Variants in COL5A1 observed in about 807,000 individuals in gnomAD.
The protein encoded by COL5A1 is collagen alpha-1(V) chain.
Under a neutral mutation model 263.7 loss-of-function variants are expected in COL5A1, and 16 were observed. The ratio of observed to expected loss-of-function variants is 0.06; its 90% CI spans 0.04 to 0.09. The LOEUF (loss-of-function observed/expected upper bound fraction) is 0.09, where lower values mean the gene tolerates loss of function less well. COL5A1 is among the 10% of genes least tolerant of loss of function. The pLI, the probability that COL5A1 is intolerant of heterozygous loss-of-function variation, is 1.00. For missense variants in COL5A1, 2,036 were observed against 2,540.5 expected (o/e 0.80, Z 4.27); for synonymous variants, 1,012 against 1,004.5 (o/e 1.01, Z -0.14).
chr9:134,805,818 GC>G (rs760141781), intron 41 of COL5A1, among the ~76,000 whole-genome samples: 28 of 150,438 alleles, frequency 1.9e-4, no homozygotes, highest in Middle Eastern at 3.4e-3. Flanking sequence ...GAGAGGGGGT[GC>G]CCCGTGGGCT....
At chr9:134,763,564 A>C in intron 19 of COL5A1, 129 bp from the exon 20 acceptor site, 2 of 921,204 alleles carry the variant, frequency 2.2e-6, no homozygotes, top group Admixed American at 1.7e-5. Context: ...TCCGGCTGGT[A>C]CCAGAGCTGG....
chr9:134,700,227 G>C lies in COL5A1; in HGVS notation c.491+105G>C. 1 of 1,081,622 alleles carries C rather than the reference G, an allele frequency of 9.2e-7. No homozygotes were observed. Among genetic ancestry groups the C allele is most frequent in the Non-Finnish European group, 1.4e-6 (1 of 740,006 alleles). 67.0% of individuals were successfully genotyped at this position (1,081,622 alleles called of 1,614,324 possible). A position where few individuals can be genotyped will look rare whatever the true frequency, so the allele number is the denominator to read the frequency against. ...CACAGTAGAGGACGTGCAGCAGCCG[G>C]TACTGAGACTCCCACAGACGCCGCA... On this transcript the variant is annotated intron_variant, in intron 3 of 65. Transcript: ENST00000371817. The surrounding 1 kb of genome is among the most constrained non-coding windows in gnomAD (Gnocchi z 4.0).
In COL5A1 at chr9:134,843,036, C is replaced by T. The variant is rs3196378; in HGVS notation, c.*733C>T. 52 of 151,702 alleles carry T rather than the reference C, an allele frequency of 3.4e-4. No homozygotes were observed. The highest frequency in any genetic ancestry group is 4.9e-4 in the African/African-American group (20 of 41,096). The allele number at this position is 151,702 out of a possible 1,614,324, so 9.4% of individuals were successfully genotyped here. A position where few individuals can be genotyped will look rare whatever the true frequency, so the allele number is the denominator to read the frequency against. ...TAGAAATAGGAAGTCTCCCCACCCCCGCCCTGGCCAAGAACGTGCAATAAA... is the reference window on the plus strand; with the variant it reads ...TAGAAATAGGAAGTCTCCCCACCCCTGCCCTGGCCAAGAACGTGCAATAAA... On this transcript the variant is annotated 3_prime_UTR_variant, in exon 66 of 66. Transcript: ENST00000371817.
At chr9:134,739,472 G>A (rs1835223355) in intron 11 of COL5A1, among the ~76,000 whole-genome samples, 1 of 152,236 alleles carries the variant, frequency 6.6e-6, no homozygotes, top group South Asian at 2.1e-4. Context: ...CTGCGTGCGG[G>A]TGTTCGCGGG....
At chr9:134,734,203 G>C (rs919138806) in intron 9 of COL5A1, among the ~76,000 whole-genome samples, 2 of 152,174 alleles carry the variant, frequency 1.3e-5, no homozygotes, top group African/African-American at 4.8e-5. Context: ...AGAGGGCCGA[G>C]AGTCGAGGTG....
chr9:134,674,966 C>T (rs1213173239), intron 1 of COL5A1, among the ~76,000 whole-genome samples: 1 of 152,104 alleles, frequency 6.6e-6, no homozygotes, highest in Non-Finnish European at 1.5e-5. Context: ...TGAGCATTTC[C>T]TCACGTTTCA....
At chr9:134,814,604 C>T (rs548629130) in intron 49 of COL5A1, among the ~76,000 whole-genome samples, 193 bp from the exon 50 acceptor site, 1 of 152,184 alleles carries the variant, frequency 6.6e-6, no homozygotes, top group South Asian at 2.1e-4. Context: ...CTCCTCAGGT[C>T]CCCCTCAGGG....
chr9:134,840,951 C>T (rs904161004), intron 65 of COL5A1, among the ~76,000 whole-genome samples: 3 of 152,212 alleles, frequency 2.0e-5, no homozygotes, highest in East Asian at 1.9e-4. Flanking sequence ...TTCAAGGCCA[C>T]GCCCTCCCCA....
At position 134,642,934 on chromosome 9, in the gene COL5A1, C is replaced by T. The variant is rs1042858386; in HGVS notation, c.109+638C>T. ...TGCTCCTAATCCCACCCCCAAACTT[C>T]TTGATCCCTGGAAGGCAGCTTTTCC... On this transcript the variant is annotated intron_variant, in intron 1 of 65. Coordinates refer to ENST00000371817, the MANE Select transcript of COL5A1 (RefSeq NM_000093.5). This position sits in a 1 kb window ranked among gnomAD's most constrained non-coding sequence, Gnocchi z 4.5. 1.3e-5 allele frequency among the ~76,000 whole-genome samples: 2 copies of T among 152,252 alleles called. No homozygotes were observed. Among genetic ancestry groups the T allele is most frequent in the African/African-American group, 2.4e-5 (1 of 41,482 alleles).
At chr9:134,822,952 G>C (rs750906437) in intron 59 of COL5A1, 46 bp from the exon 60 acceptor site, 3 of 1,613,210 alleles carry the variant, frequency 1.9e-6, no homozygotes, top group Non-Finnish European at 2.5e-6. Flanking sequence ...GGTGGGGCTG[G>C]AGCTGAGACC....
intron 1 of COL5A1, among the ~76,000 whole-genome samples, chr9:134,690,447 C>T (rs1054052656): frequency 4.6e-5 from 7 of 152,204 alleles, no homozygotes; most frequent in African/African-American, 7.2e-5. Context: ...CACCATAAGG[C>T]GGTCAGCTCC....
At chr9:134,829,648 G>A (rs12348856) in intron 63 of COL5A1, among the ~76,000 whole-genome samples, 39,881 of 149,038 alleles carry the variant, frequency 0.27, 5,444 homozygotes, top group Admixed American at 0.32. Flanking sequence ...CGAGGGCCCC[G>A]GCCAGGCTCA....
chr9:134,781,604 T>C (rs74467699), intron 28 of COL5A1, among the ~76,000 whole-genome samples: 2,301 of 152,352 alleles, frequency 0.015, 36 homozygotes, highest in Non-Finnish European at 0.021. Flanking sequence ...GATTGGGCTG[T>C]GCAGGGGATG....
intron 1 of COL5A1, among the ~76,000 whole-genome samples, chr9:134,650,371 G>A (rs1831634805): frequency 6.6e-6 from 1 of 152,184 alleles, no homozygotes; most frequent in Non-Finnish European, 1.5e-5. Flanking sequence ...TTTCCCGTGT[G>A]TGGGTACAGA....
Position 134,653,761 on chromosome 9 carries a change from C to A in COL5A1, c.109+11465C>A, listed in dbSNP as rs1390061415. 2.1e-5 allele frequency among the ~76,000 whole-genome samples: 3 copies of A among 146,196 alleles called. No individual in the cohort carries two copies. The South Asian group carries it at 6.7e-4, about 32-fold the overall frequency. On this transcript the variant is annotated intron_variant, in intron 1 of 65. Transcript: ENST00000371817. ...GGGGGCTATAGGGCTGGGGACTCTG[C>A]AGGGCTGGGGGTGTCTGCAGGGTCA... is the stretch of plus-strand genomic sequence containing the variant.
chr9:134,824,540 C>T lies in COL5A1; in HGVS notation c.4699-60C>T, dbSNP rs78125481. On this transcript the variant is annotated intron_variant, in intron 61 of 65. Coordinates refer to ENST00000371817, the MANE Select transcript of COL5A1 (RefSeq NM_000093.5). ...TGGCCCCAGCTGTCCCTGCTCTGCT[C>T]ATATCCTGGGACCCTTCCCATCCTC... 1.3e-3 allele frequency: 2,068 copies of T among 1,606,064 alleles called. 29 individuals are homozygous for T. The African/African-American group carries it at 0.024, about 18-fold the overall frequency.
intron 5 of COL5A1, among the ~76,000 whole-genome samples, chr9:134,727,741 G>T (rs1401296300): frequency 6.6e-6 from 1 of 152,196 alleles, no homozygotes; most frequent in Non-Finnish European, 1.5e-5. Context: ...CGATCCACTG[G>T]AGGGGCCATG....
intron 2 of COL5A1, among the ~76,000 whole-genome samples, chr9:134,694,844 G>T (rs1833404521): frequency 6.6e-6 from 1 of 152,238 alleles, no homozygotes; most frequent in Admixed American, 6.5e-5. Flanking sequence ...ATCGCCTCAC[G>T]GTGAGGTGGC....
chr9:134,767,700 G>T (rs1372660876), intron 24 of COL5A1, among the ~76,000 whole-genome samples: 1 of 152,154 alleles, frequency 6.6e-6, no homozygotes, highest in Non-Finnish European at 1.5e-5. Flanking sequence ...TGTTTATTTT[G>T]GTTTAGTCTA....
Sources: allele counts gnomAD v4.1 joint callset (sites outside exome capture counted in the v4.1 genomes callset), GRCh38; gene constraint gnomAD v4.1.1; non-coding constraint Gnocchi (gnomAD v3.1); transcripts MANE v1.5; gene names NCBI Gene and HGNC (gene_info 2026-07-23, HGNC 2026-07-21).